ARHGAP42: variants seen among roughly 807,000 people sequenced by gnomAD.
ARHGAP42 encodes the protein rho GTPase-activating protein 42.
ARHGAP42 carries 63 observed loss-of-function variants against 125.0 expected under a neutral mutation model. The ratio of observed to expected loss-of-function variants is 0.50; its 90% confidence interval spans 0.41 to 0.62. ARHGAP42 has a LOEUF of 0.62. Among genes scored for constraint, ARHGAP42 ranks in the 20% least tolerant of loss-of-function variants. The pLI, the probability that ARHGAP42 is intolerant of heterozygous loss-of-function variation, is 0.00. For synonymous variants in ARHGAP42, 339 were observed against 351.0 expected (o/e 0.97, Z 0.38); for missense variants, 766 against 1,024.2 (o/e 0.75, Z 3.44).
At position 100,988,987 on chromosome 11, in the gene ARHGAP42, TC is replaced by T; in HGVS notation, c.*187del. ...AAAAAAGATTTAAATTGTTGGCCATTCTTTTTTGGTTGGTTTCTTATTTTAA... is the reference window on the plus strand; with the variant it reads ...AAAAAAGATTTAAATTGTTGGCCATTTTTTTTGGTTGGTTTCTTATTTTAA... On this transcript the variant is annotated 3_prime_UTR_variant, in exon 24 of 24. Transcript: ENST00000298815. 1 of 494,138 alleles carries T rather than the reference TC, an allele frequency of 2.0e-6. No homozygotes were observed. The highest frequency in any genetic ancestry group is 3.6e-6 in the Non-Finnish European group (1 of 277,336). 30.6% of individuals were successfully genotyped at this position (494,138 alleles called of 1,614,324 possible). A position where few individuals can be genotyped will look rare whatever the true frequency, so the allele number is the denominator to read the frequency against.
At chr11:100,702,535 C>A (rs376099764) in intron 1 of ARHGAP42, among the ~76,000 whole-genome samples, 1 of 150,292 alleles carries the variant, frequency 6.7e-6, no homozygotes, top group African/African-American at 2.4e-5. Context: ...TAGACTTGCC[C>A]GATGCAGTGT....
At chr11:100,884,892 G>A (rs1333717899) in intron 4 of ARHGAP42, among the ~76,000 whole-genome samples, 1 of 152,154 alleles carries the variant, frequency 6.6e-6, no homozygotes, top group Admixed American at 6.6e-5. Flanking sequence ...AGAATCATTT[G>A]GGTGAGGGTC....
chr11:100,898,571 A>G (rs1430682454), intron 4 of ARHGAP42, among the ~76,000 whole-genome samples: 1 of 151,954 alleles, frequency 6.6e-6, no homozygotes, highest in Non-Finnish European at 1.5e-5. Flanking sequence ...TATTCTTGGG[A>G]GGGTGCATGT....
At chr11:100,736,352 T>C (rs1033163317) in intron 1 of ARHGAP42, among the ~76,000 whole-genome samples, 1 of 152,236 alleles carries the variant, frequency 6.6e-6, no homozygotes, top group Non-Finnish European at 1.5e-5. Flanking sequence ...CACTTGAGGA[T>C]GGCTCTGGTG....
intron 19 of ARHGAP42, among the ~76,000 whole-genome samples, chr11:100,974,971 A>G (rs1318119526): frequency 6.6e-6 from 1 of 152,150 alleles, no homozygotes; most frequent in African/African-American, 2.4e-5. Context: ...TTATGTTCTT[A>G]AAGCATTATC....
At chr11:100,919,478 G>A (rs1318378203) in intron 5 of ARHGAP42, among the ~76,000 whole-genome samples, 1 of 150,020 alleles carries the variant, frequency 6.7e-6, no homozygotes, top group Non-Finnish European at 1.5e-5. Flanking sequence ...CCATTGACTA[G>A]AAAAAAAAAC....
chr11:100,728,049 G>GGT (rs1027704493), intron 1 of ARHGAP42, among the ~76,000 whole-genome samples: 7 of 152,140 alleles, frequency 4.6e-5, no homozygotes, highest in Admixed American at 2.0e-4. Flanking sequence ...AGAATTGGTT[G>GGT]GTGAAAGGAA....
At chr11:100,807,312 C>T (rs1279299674) in intron 3 of ARHGAP42, among the ~76,000 whole-genome samples, 1 of 151,988 alleles carries the variant, frequency 6.6e-6, no homozygotes, top group Non-Finnish European at 1.5e-5. Flanking sequence ...TCTCCTGCCT[C>T]AGCCTCCTGA....
Position 100,741,800 on chromosome 11 carries a change from A to C in ARHGAP42, c.155-28543A>C, listed in dbSNP as rs144216470. Among the ~76,000 whole-genome samples the C allele has an allele frequency of 3.1e-3, 467 of 152,288 alleles. 1 individual carries two copies. The highest frequency in any genetic ancestry group is 0.01 in the African/African-American group (418 of 41,550). On this transcript the variant is annotated intron_variant, in intron 1 of 23. Coordinates refer to ENST00000298815, the MANE Select transcript of ARHGAP42 (RefSeq NM_152432.4). Reference sequence around the variant, plus strand: ...CTTAGTTTGAGAAGTATTTATTTTAATCTGAAAATTGTTATTTTGCCCTTA... The same window carrying C: ...CTTAGTTTGAGAAGTATTTATTTTACTCTGAAAATTGTTATTTTGCCCTTA...
chr11:100,921,227 ATATATATATATATATATATTTTTTT>A (rs1340059554), intron 5 of ARHGAP42, among the ~76,000 whole-genome samples: 8 of 70,062 alleles, frequency 1.1e-4, no homozygotes, highest in East Asian at 5.5e-4. Flanking sequence ...ATATATATAT[ATATATATATATATATATATTTTTTT>A]TTTTTTTTTT....
intron 1 of ARHGAP42, among the ~76,000 whole-genome samples, chr11:100,763,001 T>C (rs1862744588): frequency 8.1e-6 from 1 of 123,038 alleles, no homozygotes; most frequent in Admixed American, 8.7e-5. Context: ...TTTTTTGAGA[T>C]GGAGTTTTGC....
At chr11:100,975,995 G>C in intron 19 of ARHGAP42, 62 bp from the exon 20 acceptor site, 4 of 1,443,686 alleles carry the variant, frequency 2.8e-6, no homozygotes, top group Middle Eastern at 1.8e-4. Context: ...GAAGGGTTTT[G>C]GTGATGCTGT....
At chr11:100,811,352 G>A (rs947486990) in intron 3 of ARHGAP42, among the ~76,000 whole-genome samples, 5 of 152,176 alleles carry the variant, frequency 3.3e-5, no homozygotes, top group African/African-American at 1.2e-4. Flanking sequence ...TGCTTTGTAG[G>A]ATGCTTAGTA....
chr11:100,876,800 T>C (rs1565254672), intron 4 of ARHGAP42, among the ~76,000 whole-genome samples: 1 of 152,222 alleles, frequency 6.6e-6, no homozygotes, highest in Non-Finnish European at 1.5e-5. Context: ...TAGGTTTCAC[T>C]TAATACAGCT....
intron 1 of ARHGAP42, among the ~76,000 whole-genome samples, chr11:100,706,857 T>G (rs1591118625): frequency 6.6e-6 from 1 of 152,290 alleles, no homozygotes; most frequent in South Asian, 2.1e-4. Flanking sequence ...CTTAGAATAT[T>G]TCTATCACCC....
intron 5 of ARHGAP42, among the ~76,000 whole-genome samples, chr11:100,913,886 C>A (rs1235322283): frequency 6.6e-6 from 1 of 152,106 alleles, no homozygotes; most frequent in Non-Finnish European, 1.5e-5. Flanking sequence ...ATTTTAAGGC[C>A]TTGCTTCAGC....
At chr11:100,766,804 G>A (rs1270789286) in intron 1 of ARHGAP42, among the ~76,000 whole-genome samples, 2 of 152,048 alleles carry the variant, frequency 1.3e-5, no homozygotes, top group Non-Finnish European at 2.9e-5. Flanking sequence ...TCAAGAACCC[G>A]AACACACTTG....
At chr11:100,742,931 A>G (rs1862219680) in intron 1 of ARHGAP42, among the ~76,000 whole-genome samples, 1 of 152,122 alleles carries the variant, frequency 6.6e-6, no homozygotes, top group African/African-American at 2.4e-5. Context: ...GTCTTTTTCC[A>G]TCCCTTTACC....
chr11:100,757,662 G>A (rs930036988), intron 1 of ARHGAP42, among the ~76,000 whole-genome samples: 10 of 152,166 alleles, frequency 6.6e-5, no homozygotes, highest in African/African-American at 2.4e-4. Context: ...TGCCAAAATA[G>A]TTTCAAAAAT....
Sources: gnomAD v4.1 joint callset for allele counts (sites outside exome capture counted in the v4.1 genomes callset) on GRCh38, gnomAD v4.1.1 for gene constraint, MANE v1.5 for transcripts, NCBI Gene and HGNC (gene_info 2026-07-23, HGNC 2026-07-21) for gene names.